Variants in SNX27 observed in about 807,000 individuals in gnomAD.
The protein encoded by SNX27 is sorting nexin 27.
In SNX27, 22 loss-of-function variants were observed where a neutral mutation model predicts 71.6. That is an observed-to-expected ratio of 0.31 (90% CI 0.22 to 0.44). SNX27 has a LOEUF of 0.44. Among genes scored for constraint, SNX27 ranks in the 20% least tolerant of loss-of-function variants. The pLI is 1.00. For synonymous variants in SNX27, 269 were observed against 277.2 expected (o/e 0.97, Z 0.29); for missense variants, 531 against 698.6 (o/e 0.76, Z 2.70).
chr1:151,628,197 G>C (rs1558038006), intron 1 of SNX27, among the ~76,000 whole-genome samples: 2 of 151,830 alleles, frequency 1.3e-5, no homozygotes, highest in African/African-American at 2.4e-5. Context: ...AGTAGTGATG[G>C]GGTTTTACCG....
Position 151,683,219 on chromosome 1 carries a change from G to A in SNX27, c.1150-137G>A, listed in dbSNP as rs1167150623. ...GCCAGACCATATCCCTGGACATGTG[G>A]CAGAGTTCACTGGTAATGATGGTGG... On this transcript the variant is annotated intron_variant, in intron 7 of 11. Transcript: ENST00000458013. 4 of 634,886 alleles carry A rather than the reference G, an allele frequency of 6.3e-6. No homozygotes were observed. In the Admixed American group the frequency reaches 1.2e-4, roughly 19 times the overall value. 39.3% of individuals were successfully genotyped at this position (634,886 alleles called of 1,614,324 possible). A position where few individuals can be genotyped will look rare whatever the true frequency, so the allele number is the denominator to read the frequency against.
At chr1:151,668,189 A>G (rs1670296598) in intron 6 of SNX27, among the ~76,000 whole-genome samples, 1 of 152,192 alleles carries the variant, frequency 6.6e-6, no homozygotes, top group African/African-American at 2.4e-5. Flanking sequence ...AAATTTCAAC[A>G]TGAACTTTGC....
At chr1:151,693,560 C>G (rs370438153) in intron 11 of SNX27, 77 bp downstream of exon 11, 61 of 1,612,224 alleles carry the variant, frequency 3.8e-5, no homozygotes, top group Non-Finnish European at 5.0e-5. Flanking sequence ...GGCCAAATAC[C>G]TGGGACCCTC....
At chr1:151,622,651 A>C (rs1667728767) in intron 1 of SNX27, among the ~76,000 whole-genome samples, 1 of 152,208 alleles carries the variant, frequency 6.6e-6, no homozygotes, top group Non-Finnish European at 1.5e-5. Flanking sequence ...AGCAGCTCTC[A>C]AACACTGAGT....
intron 2 of SNX27, among the ~76,000 whole-genome samples, chr1:151,653,040 G>T (rs989834828): frequency 1.3e-5 from 2 of 150,742 alleles, no homozygotes; most frequent in Non-Finnish European, 2.9e-5. Context: ...CAGTTCTCCT[G>T]CCTCAGCCTC....
chr1:151,664,942 C>T (rs1670123490), intron 5 of SNX27, among the ~76,000 whole-genome samples: 1 of 152,098 alleles, frequency 6.6e-6, no homozygotes, highest in African/African-American at 2.4e-5. Context: ...TAATTTCTAT[C>T]CAGTGCAATA....
intron 7 of SNX27, among the ~76,000 whole-genome samples, chr1:151,672,112 T>C (rs1372592726): frequency 6.6e-6 from 1 of 152,226 alleles, no homozygotes; most frequent in African/African-American, 2.4e-5. Context: ...TTTCTCCCCA[T>C]TCAGGATGGT....
Position 151,612,489 on chromosome 1 carries a change from C to G in SNX27, c.288C>G (p.Arg96=), listed in dbSNP as rs1667221936. ...GGGCGGCCGATCGGGCCGGGGTGCGCAAGGGGGACCGCATCCTGGAGGTGT... is the reference window on the plus strand; with the variant it reads ...GGGCGGCCGATCGGGCCGGGGTGCGGAAGGGGGACCGCATCCTGGAGGTGT... ...PGGAADRAGV[R]KGDRILEVNH... is the part of the protein sequence containing the mutation. Residue 96 remains arginine (R), a synonymous_variant, in exon 1 of 12, where the codon CGC becomes CGG. Coordinates refer to ENST00000458013, the MANE Select transcript of SNX27 (RefSeq NM_001330723.2). The surrounding 1 kb of genome is among the most constrained non-coding windows in gnomAD (Gnocchi z 5.2). The G allele has an allele frequency of 1.6e-5, 23 of 1,399,052 alleles. No individual in the cohort carries two copies. The highest frequency in any genetic ancestry group is 2.0e-5 in the Non-Finnish European group (22 of 1,079,852). The allele number at this position is 1,399,052 out of a possible 1,614,324, so 86.7% of individuals were successfully genotyped here. A position where few individuals can be genotyped will look rare whatever the true frequency, so the allele number is the denominator to read the frequency against.
chr1:151,687,666 C>T (rs1412359181), intron 8 of SNX27, among the ~76,000 whole-genome samples: 1 of 152,076 alleles, frequency 6.6e-6, no homozygotes, highest in Non-Finnish European at 1.5e-5. Context: ...TAAAAACTGT[C>T]GGCCTGGCGC....
At chr1:151,680,263 T>C (rs1056718551) in intron 7 of SNX27, 2 of 151,820 alleles carry the variant, frequency 1.3e-5, no homozygotes, top group African/African-American at 4.8e-5. Flanking sequence ...TTCAAGTGAT[T>C]CTCTTACCTC....
At position 151,637,362 on chromosome 1, in the gene SNX27, TAGAGAC is replaced by T. The variant is rs565973983; in HGVS notation, c.312-1523_312-1518del. Among the ~76,000 whole-genome samples, 239 of 152,094 alleles carry T rather than the reference TAGAGAC, an allele frequency of 1.6e-3. 4 individuals are homozygous for T. Among genetic ancestry groups the T allele is most frequent in the African/African-American group, 5.5e-3 (228 of 41,514 alleles). On this transcript the variant is annotated intron_variant, in intron 1 of 11. Transcript: ENST00000458013. The stretch of plus-strand genomic sequence containing the variant: ...CCCGGCTAATTTTTTGTATTTTTAG[TAGAGAC>T]AGGGTTTCACCGTGTTAGCCAGGAA...
intron 8 of SNX27, among the ~76,000 whole-genome samples, chr1:151,685,178 A>G (rs1304089018): frequency 6.6e-6 from 1 of 152,150 alleles, no homozygotes; most frequent in Non-Finnish European, 1.5e-5. Context: ...TAAAAAAAAA[A>G]TTGAAGTACA....
intron 7 of SNX27, chr1:151,678,274 C>G (rs1296092858): frequency 6.6e-6 from 1 of 152,210 alleles, no homozygotes; most frequent in Non-Finnish European, 1.5e-5. Flanking sequence ...TCCTCTCCCC[C>G]TTGGCAACTA....
chr1:151,639,190 T>C, intron 2 of SNX27, 71 bp downstream of exon 2: 1 of 1,364,680 alleles, frequency 7.3e-7, no homozygotes, highest in Admixed American at 2.1e-5. Flanking sequence ...TATGAAACTA[T>C]TATAGTGGTA....
At chr1:151,644,449 A>G (rs989622453) in intron 2 of SNX27, among the ~76,000 whole-genome samples, 1 of 152,202 alleles carries the variant, frequency 6.6e-6, no homozygotes, top group Non-Finnish European at 1.5e-5. Context: ...TTCAAGTTGT[A>G]GCATGCATCA....
intron 1 of SNX27, among the ~76,000 whole-genome samples, chr1:151,632,523 C>CAA (rs1331379916): frequency 6.6e-6 from 1 of 152,070 alleles, no homozygotes; most frequent in East Asian, 1.9e-4. Flanking sequence ...GAGATTAAGA[C>CAA]AAAAAAGCCA....
chr1:151,659,938 C>T (rs1307826520), intron 3 of SNX27: 1 of 152,162 alleles, frequency 6.6e-6, no homozygotes, highest in East Asian at 1.9e-4. Context: ...AACTAACTGA[C>T]CTAGTTGAAT....
intron 7 of SNX27, among the ~76,000 whole-genome samples, chr1:151,670,869 T>C (rs35295637): frequency 0.071 from 10,787 of 152,258 alleles, 511 homozygotes; most frequent in Non-Finnish European, 0.11. Context: ...CAGACTCATG[T>C]CCTGGAGAGT....
rs373188561 is a variant in SNX27 at position 151,693,033 on chromosome 1, G to A, written c.1512G>A (p.Thr504=). 6 of 1,610,714 alleles carry A rather than the reference G, an allele frequency of 3.7e-6. No homozygotes were observed. The highest frequency in any genetic ancestry group is 2.2e-5 in the South Asian group (2 of 89,824). ...EKKPRWVKIF[T]PYFNYMHECF... is the part of the protein sequence containing the mutation. ...AGCCCCGATGGGTTAAAATCTTCAC[G>A]CCATATGTGAGTGCAATTTGGGGAA... The change falls in exon 10 of 12, where the codon ACG becomes ACA. Residue 504 remains threonine (T), a synonymous_variant. Coordinates refer to ENST00000458013, the MANE Select transcript of SNX27 (RefSeq NM_001330723.2).
Sources: allele counts gnomAD v4.1 joint callset (sites outside exome capture counted in the v4.1 genomes callset), GRCh38; gene constraint gnomAD v4.1.1; non-coding constraint Gnocchi (gnomAD v3.1); transcripts MANE v1.5; gene names NCBI Gene and HGNC (gene_info 2026-07-23, HGNC 2026-07-21).